The following LRRC18 variants were observed in gnomAD, a reference collection of about 807,000 sequenced individuals.
LRRC18 encodes the protein leucine rich repeat containing 18, also known as leucine-rich repeat-containing protein 18.
Under a neutral mutation model 11.2 loss-of-function variants are expected in LRRC18, and 12 were observed. That is an observed-to-expected ratio of 1.07 (90% CI 0.69 to 1.74). The LOEUF is 1.74. LRRC18 is among the 40% of genes most tolerant of loss of function. LRRC18 has a pLI of 0.00. For synonymous variants in LRRC18, 155 were observed against 130.6 expected, an observed-to-expected ratio of 1.19 and a Z score of -1.27; for missense variants, 374 against 330.5, an observed-to-expected ratio of 1.13 and a Z score of -1.02.
At chr10:48,926,467 C>T in the LRRC18 span, among the ~76,000 whole-genome samples, 1 of 152,170 alleles carries the variant, frequency 6.6e-6, no homozygotes, top group Non-Finnish European at 1.5e-5. Context: ...CCAGCCAACG[C>T]AACAGATTGA....
At chr10:48,920,372 G>C in the LRRC18 span, among the ~76,000 whole-genome samples, 1 of 151,844 alleles carries the variant, frequency 6.6e-6, no homozygotes, top group Non-Finnish European at 1.5e-5. Context: ...GTTGTGGGGT[G>C]GGGGGAAGGG....
the LRRC18 span, among the ~76,000 whole-genome samples, chr10:48,938,669 G>A: frequency 1.3e-5 from 2 of 152,232 alleles, no homozygotes; most frequent in African/African-American, 4.8e-5. Flanking sequence ...GGTAGGGAAG[G>A]CCCTAAGGCC....
intron 1 of LRRC18, among the ~76,000 whole-genome samples, chr10:48,911,853 G>T (rs558874704): frequency 6.6e-6 from 1 of 152,296 alleles, no homozygotes; most frequent in East Asian, 1.9e-4. Context: ...GATCTCCCAA[G>T]GTTTTAGAAA....
chr10:48,928,026 CT>C, the LRRC18 span, among the ~76,000 whole-genome samples: 1 of 152,214 alleles, frequency 6.6e-6, no homozygotes, highest in Non-Finnish European at 1.5e-5. Flanking sequence ...CCCTTTGAAG[CT>C]CATGAGGTGA....
chr10:48,913,865 G>C (rs1459393536), exon 1 of LRRC18: 1 of 1,614,138 alleles, frequency 6.2e-7, no homozygotes, highest in Admixed American at 1.7e-5. Flanking sequence ...GGTAGAGCAG[G>C]CTGGTCATCT....
the LRRC18 span, among the ~76,000 whole-genome samples, chr10:48,925,578 T>A: frequency 6.6e-6 from 1 of 152,318 alleles, no homozygotes; most frequent in Non-Finnish European, 1.5e-5. Context: ...CTCCACTAAC[T>A]GCCCCAATGT....
chr10:48,917,718 G>A (rs1838679524), upstream of LRRC18, among the ~76,000 whole-genome samples: 1 of 152,204 alleles, frequency 6.6e-6, no homozygotes. Flanking sequence ...CTAAGCTGCT[G>A]TAAAAGAAAT....
chr10:48,910,118 G>T, exon 2 of LRRC18: 3 of 959,620 alleles, frequency 3.1e-6, no homozygotes, highest in Non-Finnish European at 3.4e-6. Flanking sequence ...CAGCTCCGGC[G>T]AGCCTGGTTT....
the LRRC18 span, among the ~76,000 whole-genome samples, chr10:48,937,481 G>A: frequency 4.6e-5 from 7 of 152,112 alleles, no homozygotes; most frequent in Non-Finnish European, 7.3e-5. Flanking sequence ...GCCTAGGGTA[G>A]ACACCAACAA....
exon 2 of LRRC18, chr10:48,910,192 TTA>T: frequency 3.9e-6 from 3 of 761,648 alleles, no homozygotes; most frequent in Non-Finnish European, 6.6e-6. Flanking sequence ...TCAGAGTCGT[TTA>T]TTCTGTTAGC....
the LRRC18 span, among the ~76,000 whole-genome samples, chr10:48,939,313 C>G: frequency 3.3e-5 from 5 of 152,374 alleles, 1 homozygote; most frequent in South Asian, 1.0e-3. Flanking sequence ...CACACCAATG[C>G]TAGCCTTTTC....
At chr10:48,921,089 C>T in the LRRC18 span, among the ~76,000 whole-genome samples, 1 of 152,026 alleles carries the variant, frequency 6.6e-6, no homozygotes, top group Non-Finnish European at 1.5e-5. Context: ...ATCAAAATTA[C>T]AGGAGGATTA....
chr10:48,928,306 A>G, the LRRC18 span, among the ~76,000 whole-genome samples: 1 of 149,988 alleles, frequency 6.7e-6, no homozygotes, highest in Non-Finnish European at 1.5e-5. Flanking sequence ...GCTGCTTCCC[A>G]AGGTCAGGGG....
the LRRC18 span, among the ~76,000 whole-genome samples, chr10:48,925,873 C>T: frequency 9.2e-5 from 14 of 152,080 alleles, no homozygotes; most frequent in Non-Finnish European, 1.9e-4. Flanking sequence ...TGCTGCTGGG[C>T]CCTTCATGTA....
the LRRC18 span, among the ~76,000 whole-genome samples, chr10:48,923,140 G>A: frequency 6.6e-6 from 1 of 152,144 alleles, no homozygotes; most frequent in Non-Finnish European, 1.5e-5. Context: ...CACGTTGGAA[G>A]TCTGTGATTT....
the LRRC18 span, among the ~76,000 whole-genome samples, chr10:48,927,274 A>G: frequency 7.2e-5 from 11 of 152,268 alleles, no homozygotes; most frequent in African/African-American, 2.6e-4. Flanking sequence ...GCTAAGAGGT[A>G]CATCATGCCC....
the LRRC18 span, among the ~76,000 whole-genome samples, chr10:48,925,930 T>C: frequency 2.0e-5 from 3 of 152,122 alleles, no homozygotes; most frequent in African/African-American, 7.2e-5. Context: ...TAGTAAAATA[T>C]TTTTACTATA....
At chr10:48,910,114 C>T (rs568075040) in exon 2 of LRRC18, 54 of 919,138 alleles carry the variant, frequency 5.9e-5, no homozygotes, top group East Asian at 1.5e-4. Context: ...TGGCCAGCTC[C>T]GGCGAGCCTG....
At chr10:48,931,564 C>T in the LRRC18 span, among the ~76,000 whole-genome samples, 1 of 152,302 alleles carries the variant, frequency 6.6e-6, no homozygotes, top group Admixed American at 6.5e-5. Context: ...CTCCCTGCAA[C>T]CTCCATCCAG....
Sources: gnomAD v4.1 joint callset for allele counts (sites outside exome capture counted in the v4.1 genomes callset) on GRCh38, gnomAD v4.1.1 for gene constraint, MANE v1.5 for transcripts, NCBI Gene and HGNC (gene_info 2026-07-23, HGNC 2026-07-21) for gene names.